PRDM9: variants seen among roughly 807,000 people sequenced by gnomAD.
PRDM9 encodes the protein PR/SET domain 9, also known as histone-lysine N-methyltransferase PRDM9.
In PRDM9, 47 loss-of-function variants were observed where a neutral mutation model predicts 55.6. The observed-to-expected ratio is 0.85, with a 90% CI of 0.67 to 1.08. PRDM9 has a LOEUF of 1.08. Among genes scored for constraint, PRDM9 ranks in the 50% least tolerant of loss-of-function variants. The pLI is 0.00. For missense variants in PRDM9, 867 were observed against 1,040.3 expected (o/e 0.83, Z 2.29); for synonymous variants, 312 against 375.7 (o/e 0.83, Z 1.96).
At position 23,508,376 on chromosome 5, in the gene PRDM9, T is replaced by G. The variant is rs1179923278; in HGVS notation, c.-84-574T>G. Among the ~76,000 whole-genome samples the G allele has an allele frequency of 3.3e-5, 5 of 151,934 alleles. No individual in the cohort carries two copies. The East Asian group carries it at 9.8e-4, about 30-fold the overall frequency. On this transcript the variant is annotated intron_variant, in intron 1 of 10. Coordinates refer to ENST00000296682, the MANE Select transcript of PRDM9 (RefSeq NM_020227.4). The stretch of plus-strand genomic sequence containing the variant: ...CGAGATACCCCAAATTTCCTCAACC[T>G]GAAAAACCCCAATTTCTTCAGTCTA...
At position 23,510,029 on chromosome 5, in the gene PRDM9, T is replaced by A; in HGVS notation, c.301+2T>A. The A allele has an allele frequency of 1.3e-6, 2 of 1,577,978 alleles. No individual in the cohort carries two copies. The highest frequency in any genetic ancestry group is 1.7e-6 in the Non-Finnish European group (2 of 1,149,712). ...AAGAATGGACCCCTAGGCAGCAAGG[T>A]AAGAGGGAAGGGAAGTAGGATTTTT... On this transcript the variant is annotated splice_donor_variant, in intron 4 of 10. Transcript: ENST00000296682. LOFTEE classifies it high-confidence loss of function.
intron 4 of PRDM9, among the ~76,000 whole-genome samples, chr5:23,511,569 C>A (rs1017527913): frequency 2.6e-5 from 4 of 152,146 alleles, no homozygotes; most frequent in African/African-American, 9.7e-5. Context: ...TGGTCTTGAA[C>A]TCCTTACCCA....
Position 23,520,095 on chromosome 5 carries a change from G to A in PRDM9, c.352-928G>A, listed in dbSNP as rs1414836121. Among the ~76,000 whole-genome samples, 3 of 145,850 alleles carry A rather than the reference G, an allele frequency of 2.1e-5. No homozygotes were observed. The East Asian group carries it at 6.3e-4, about 31-fold the overall frequency. ...GCATGGTCTGATGGTCTGAGTGTGG[G>A]GGCTCATGCCTATAATCCCAGCACT... On this transcript the variant is annotated intron_variant, in intron 5 of 10. Coordinates refer to ENST00000296682, the MANE Select transcript of PRDM9 (RefSeq NM_020227.4).
chr5:23,522,532 T>A, intron 7 of PRDM9, 82 bp from the exon 8 acceptor site: 1 of 1,602,260 alleles, frequency 6.2e-7, no homozygotes, highest in East Asian at 2.2e-5. Context: ...CTAAATAATG[T>A]GAATGCCAAG....
chr5:23,509,947 T>C lies in PRDM9; in HGVS notation c.221T>C (p.Met74Thr). ...CTCAGAGCCACTCGACCAGCTTTCA[T>C]GTGTCACCGAAGGCAGGCCATCAAA... ...IGLRATRPAF[M>T]CHRRQAIKLQ... The change falls in exon 4 of 11, where the codon ATG (methionine) becomes ACG (threonine). Residue 74 changes from methionine to threonine, a missense_variant. By Grantham distance (81) the Met-to-Thr change is moderately conservative. Coordinates refer to ENST00000296682, the MANE Select transcript of PRDM9 (RefSeq NM_020227.4). The C allele has an allele frequency of 6.2e-7, 1 of 1,613,970 alleles. No homozygotes were observed. Among genetic ancestry groups the C allele is most frequent in the Non-Finnish European group, 8.5e-7 (1 of 1,179,988 alleles).
At chr5:23,514,859 A>G (rs528174405) in intron 4 of PRDM9, among the ~76,000 whole-genome samples, 1 of 152,336 alleles carries the variant, frequency 6.6e-6, no homozygotes, top group African/African-American at 2.4e-5. Flanking sequence ...ATGCTTCAGC[A>G]TATGAATTTG....
At chr5:23,510,179 C>G (rs560238901) in intron 4 of PRDM9, 152 bp downstream of exon 4, 1 of 810,292 alleles carries the variant, frequency 1.2e-6, no homozygotes, top group Non-Finnish European at 1.9e-6. Flanking sequence ...CTCAGCCTCC[C>G]AAGTAACTGG....
In PRDM9 at chr5:23,526,830, T is replaced by C. The variant is rs542821175; in HGVS notation, c.1742T>C (p.Val581Ala). Residue 581 changes from valine (V) to alanine (A), a missense_variant, in exon 11 of 11, where the codon GTC (valine) becomes GCC (alanine). By Grantham distance (64) the Val-to-Ala change is moderately conservative. Around this residue, in one of 5 missense-constraint regions of PRDM9, gnomAD observed 662 missense variants for 711.9 expected, o/e 0.93. Coordinates refer to ENST00000296682, the MANE Select transcript of PRDM9 (RefSeq NM_020227.4). ...QRIHTGEKPYVCRECGRGFSW... is the reference protein window; with the variant it reads ...QRIHTGEKPYACRECGRGFSW... ...ATACACACAGGGGAGAAGCCCTATG[T>C]CTGCAGGGAGTGTGGGCGGGGCTTT... is the stretch of plus-strand genomic sequence containing the variant. 4 of 1,606,580 alleles carry C rather than the reference T, an allele frequency of 2.5e-6. No homozygotes were observed. The highest frequency in any genetic ancestry group is 4.5e-5 in the East Asian group (2 of 44,176).
At chr5:23,517,508 C>T (rs368242561) in intron 4 of PRDM9, among the ~76,000 whole-genome samples, 184 of 152,028 alleles carry the variant, frequency 1.2e-3, no homozygotes, top group African/African-American at 3.7e-3. Flanking sequence ...GAGTTAGGCC[C>T]GGCATGGTGG....
intron 8 of PRDM9, 86 bp downstream of exon 8, chr5:23,522,971 A>G: frequency 1.2e-6 from 2 of 1,601,744 alleles, no homozygotes; most frequent in Non-Finnish European, 1.7e-6. Flanking sequence ...ACATGTTAGT[A>G]TATAGGTAAG....
intron 10 of PRDM9, among the ~76,000 whole-genome samples, chr5:23,525,465 C>G (rs1398830475): frequency 6.6e-6 from 1 of 152,126 alleles, no homozygotes; most frequent in Non-Finnish European, 1.5e-5. Flanking sequence ...ACTTGATGGG[C>G]AGCCTGAGAG....
At chr5:23,519,618 C>T (rs1381472604) in intron 5 of PRDM9, among the ~76,000 whole-genome samples, 1 of 152,012 alleles carries the variant, frequency 6.6e-6, no homozygotes, top group African/African-American at 2.4e-5. Flanking sequence ...GCCTTGGCCT[C>T]CCAAAGTGCT....
At chr5:23,525,226 G>A (rs1739408231) in intron 10 of PRDM9, among the ~76,000 whole-genome samples, 1 of 152,224 alleles carries the variant, frequency 6.6e-6, no homozygotes, top group Non-Finnish European at 1.5e-5. Flanking sequence ...GGCGCAGCTA[G>A]TGCAATGGTC....
Position 23,509,057 on chromosome 5 carries a change from G to A in PRDM9, c.24G>A (p.Glu8=), listed in dbSNP as rs777685410. ...CCATGAGCCCTGAAAAGTCCCAAGA[G>A]GAGAGCCCAGAAGAAGACACAGAGA... MSPEKSQ[E]ESPEEDTERT... is the part of the protein sequence containing the mutation. The change falls in exon 2 of 11, where the codon GAG becomes GAA. Residue 8 remains glutamate, a synonymous_variant. Coordinates refer to ENST00000296682, the MANE Select transcript of PRDM9 (RefSeq NM_020227.4). The A allele has an allele frequency of 4.3e-6, 7 of 1,614,118 alleles. No homozygotes were observed. The highest frequency in any genetic ancestry group is 1.7e-4 in the Middle Eastern group (1 of 6,060).
chr5:23,525,480 C>T (rs1203974872), intron 10 of PRDM9, among the ~76,000 whole-genome samples: 2 of 152,122 alleles, frequency 1.3e-5, no homozygotes, highest in Non-Finnish European at 2.9e-5. Context: ...TGAGAGAGAA[C>T]ATATTCTCAT....
Position 23,527,450 on chromosome 5 carries a change from A to T in PRDM9, c.2362A>T (p.Lys788Ter), listed in dbSNP as rs146505774. ...GGAGTGTGGGCGGGGCTTTAGAGATAAGTCAAACCTCCTCAGTCACCAGAG... is the reference window on the plus strand; with the variant it reads ...GGAGTGTGGGCGGGGCTTTAGAGATTAGTCAAACCTCCTCAGTCACCAGAG... ...CRECGRGFRD[K>*]SNLLSHQRTH... is the part of the protein sequence containing the mutation. The change falls in exon 11 of 11, where the codon AAG becomes TAG. Residue 788 changes from lysine to a stop codon, truncating the protein, a stop_gained. Coordinates refer to ENST00000296682, the MANE Select transcript of PRDM9 (RefSeq NM_020227.4). LOFTEE classifies it low-confidence loss of function (END_TRUNC). The T allele has an allele frequency of 3.3e-6, 5 of 1,526,266 alleles. No homozygotes were observed. Among genetic ancestry groups the T allele is most frequent in the Non-Finnish European group, 3.6e-6 (4 of 1,113,798 alleles). The allele number at this position is 1,526,266 out of a possible 1,614,324, so 94.5% of individuals were successfully genotyped here. A position where few individuals can be genotyped will look rare whatever the true frequency, so the allele number is the denominator to read the frequency against.
rs533413700 is a variant in PRDM9 at position 23,526,415 on chromosome 5, G to A, written c.1327G>A (p.Asp443Asn). 4.3e-6 allele frequency: 7 copies of A among 1,614,174 alleles called. No homozygotes were observed. In the South Asian group the frequency reaches 7.7e-5, roughly 18 times the overall value. The change falls in exon 11 of 11, where the codon GAT becomes AAT. Residue 443 changes from aspartate (D) to asparagine (N), a missense_variant. This residue lies in a region of PRDM9 where 662 missense variants were observed against 711.9 expected (regional missense o/e 0.93). Coordinates refer to ENST00000296682, the MANE Select transcript of PRDM9 (RefSeq NM_020227.4). ...GDQNQEQQYPDPHSRNDKTKG... is the reference protein window; with the variant it reads ...GDQNQEQQYPNPHSRNDKTKG... Reference sequence around the variant, plus strand: ...TCAGAATCAGGAGCAGCAATATCCAGATCCACACAGCCGTAATGACAAAAC... The same window carrying A: ...TCAGAATCAGGAGCAGCAATATCCAAATCCACACAGCCGTAATGACAAAAC...
At chr5:23,518,274 G>A (rs1268361509) in intron 5 of PRDM9, among the ~76,000 whole-genome samples, 1 of 152,168 alleles carries the variant, frequency 6.6e-6, no homozygotes, top group Admixed American at 6.6e-5. Context: ...AAAATGTTCA[G>A]TTATATCCCT....
chr5:23,524,273 C>T (rs1739388305), intron 9 of PRDM9, 61 bp from the exon 10 acceptor site: 1 of 1,579,184 alleles, frequency 6.3e-7, no homozygotes, highest in East Asian at 2.2e-5. Flanking sequence ...TGGGCCATAC[C>T]TGGATCTGAT....
Sources: gnomAD v4.1 joint callset for allele counts (sites outside exome capture counted in the v4.1 genomes callset) on GRCh38, gnomAD v4.1.1 for gene constraint, gnomAD v4.1.1 regional missense constraint, MANE v1.5 for transcripts, NCBI Gene and HGNC (gene_info 2026-07-23, HGNC 2026-07-21) for gene names.